The following CADM1 variants were observed in gnomAD, a reference collection of about 807,000 sequenced individuals.
CADM1 encodes the protein cell adhesion molecule 1.
A neutral mutation model predicts 53.1 loss-of-function variants in CADM1; 15 were observed. That is an observed-to-expected ratio of 0.28 (90% CI 0.19 to 0.44). The LOEUF is 0.44. Among genes scored for constraint, CADM1 ranks in the 20% least tolerant of loss-of-function variants. The pLI is 1.00. For synonymous variants in CADM1, 281 were observed against 243.0 expected (o/e 1.16, Z -1.45); for missense variants, 434 against 611.3 (o/e 0.71, Z 3.06).
At chr11:115,267,694 T>C (rs866060822) in intron 1 of CADM1, among the ~76,000 whole-genome samples, 1 of 135,388 alleles carries the variant, frequency 7.4e-6, no homozygotes, top group Non-Finnish European at 1.5e-5. Context: ...TTTTTTTTTT[T>C]TTTTCTAAAA....
At chr11:115,220,726 GGGT>G (rs1941374155) in intron 5 of CADM1, among the ~76,000 whole-genome samples, 1 of 152,124 alleles carries the variant, frequency 6.6e-6, no homozygotes, top group Non-Finnish European at 1.5e-5. Context: ...ATCTATCCCT[GGGT>G]GATGGAAACT....
intron 8 of CADM1, among the ~76,000 whole-genome samples, chr11:115,204,090 G>A (rs4938188): frequency 1 from 151,922 of 152,342 alleles, 75,752 homozygotes; most frequent in East Asian, 1. Context: ...CAACTCTAGA[G>A]AAAAAGGCAA....
intron 1 of CADM1, among the ~76,000 whole-genome samples, chr11:115,425,125 G>A (rs7107670): frequency 3.9e-5 from 6 of 152,110 alleles, no homozygotes; most frequent in Admixed American, 1.3e-4. Flanking sequence ...TAGATGAAAC[G>A]ATAAATGGCT....
At chr11:115,492,843 T>TCA (rs1271061124) in intron 1 of CADM1, among the ~76,000 whole-genome samples, 1 of 151,890 alleles carries the variant, frequency 6.6e-6, no homozygotes, top group African/African-American at 2.4e-5. Context: ...TAAAATACAC[T>TCA]CACACAGTTG....
chr11:115,442,161 A>G (rs925925954), intron 1 of CADM1, among the ~76,000 whole-genome samples: 4 of 151,946 alleles, frequency 2.6e-5, no homozygotes, highest in African/African-American at 4.8e-5. Context: ...ATGTCACACT[A>G]GATGGATGGT....
rs182673326 is a variant in CADM1, at chr11:115,349,838, T to C, written c.125-109418A>G. ...AGAGGGATTAATGACTCATATTTTG[T>C]TCAGAGTATACATGTCTATGGAACT... On this transcript the variant is annotated intron_variant, in intron 1 of 11. Transcript: ENST00000331581. Among the ~76,000 whole-genome samples the C allele has an allele frequency of 1.1e-4, 17 of 152,332 alleles. No homozygotes were observed. The East Asian group carries it at 3.1e-3, about 28-fold the overall frequency.
At chr11:115,399,611 A>G (rs1947085942) in intron 1 of CADM1, 1 of 152,236 alleles carries the variant, frequency 6.6e-6, no homozygotes, top group South Asian at 2.1e-4. Context: ...CTTTAATTTT[A>G]TAGTCAATGT....
At chr11:115,211,842 T>C (rs180696313) in intron 7 of CADM1, among the ~76,000 whole-genome samples, 1 of 152,226 alleles carries the variant, frequency 6.6e-6, no homozygotes, top group East Asian at 1.9e-4. Context: ...GTGTGTGATG[T>C]CCACAATACA....
chr11:115,480,801 G>T (rs1391347377), intron 1 of CADM1, among the ~76,000 whole-genome samples: 1 of 151,976 alleles, frequency 6.6e-6, no homozygotes, highest in Non-Finnish European at 1.5e-5. Context: ...TCCCAAGAAG[G>T]TTCTCCCTCC....
chr11:115,218,041 G>A, intron 5 of CADM1, 50 bp from the exon 6 acceptor site: 1 of 1,356,376 alleles, frequency 7.4e-7, no homozygotes, highest in Non-Finnish European at 1.1e-6. Context: ...ATATCATCAG[G>A]CAAAATCAGA....
At chr11:115,429,932 A>G (rs1015141489) in intron 1 of CADM1, among the ~76,000 whole-genome samples, 2 of 152,176 alleles carry the variant, frequency 1.3e-5, no homozygotes, top group Admixed American at 6.5e-5. Flanking sequence ...AGTGTTACAA[A>G]TAAGATGAGG....
At chr11:115,259,337 G>A (rs1406553943) in intron 1 of CADM1, among the ~76,000 whole-genome samples, 7 of 103,574 alleles carry the variant, frequency 6.8e-5, no homozygotes, top group Non-Finnish European at 1.2e-4. Context: ...ACAGAGTCTT[G>A]CTTGGTTGCC....
intron 1 of CADM1, among the ~76,000 whole-genome samples, chr11:115,248,094 C>CTAA (rs1235564627): frequency 3.3e-5 from 5 of 152,338 alleles, no homozygotes; most frequent in African/African-American, 7.2e-5. Context: ...ACTTCAAAGA[C>CTAA]TAATATGCAT....
rs976217232 is a variant in CADM1 at position 115,174,396 on chromosome 11, A to G, written c.*2078T>C. ...TTATACTATGGTCGGAATGGGTGCTAAGGGCTCGGAATAGAGCTGCAGATT... is the reference window on the plus strand; with the variant it reads ...TTATACTATGGTCGGAATGGGTGCTGAGGGCTCGGAATAGAGCTGCAGATT... On this transcript the variant is annotated 3_prime_UTR_variant, in exon 12 of 12. Coordinates refer to ENST00000331581, the MANE Select transcript of CADM1 (RefSeq NM_001301043.2). 36 of 985,712 alleles carry G rather than the reference A, an allele frequency of 3.7e-5. No homozygotes were observed. In the African/African-American group the frequency reaches 5.6e-4, roughly 15 times the overall value. The allele number at this position is 985,712 out of a possible 1,614,324, so 61.1% of individuals were successfully genotyped here.
chr11:115,413,176 C>T (rs889890675), intron 1 of CADM1, among the ~76,000 whole-genome samples: 2 of 152,166 alleles, frequency 1.3e-5, no homozygotes, highest in Non-Finnish European at 2.9e-5. Flanking sequence ...ATTTAATACA[C>T]TTAAATGGTT....
intron 1 of CADM1, among the ~76,000 whole-genome samples, chr11:115,354,594 C>T (rs933908443): frequency 6.6e-6 from 1 of 152,182 alleles, no homozygotes; most frequent in African/African-American, 2.4e-5. Context: ...CAATAGGACA[C>T]AGTCCTTTCT....
chr11:115,432,576 A>C (rs1948083971), intron 1 of CADM1, among the ~76,000 whole-genome samples: 1 of 152,202 alleles, frequency 6.6e-6, no homozygotes, highest in South Asian at 2.1e-4. Context: ...AGAATTTTTT[A>C]AAATATAAAA....
intron 1 of CADM1, among the ~76,000 whole-genome samples, chr11:115,322,854 C>A (rs558258241): frequency 1.3e-5 from 2 of 152,120 alleles, no homozygotes; most frequent in East Asian, 1.9e-4. Context: ...TGAATCATCC[C>A]TGCTTAATAA....
chr11:115,401,041 G>A (rs1016717159), intron 1 of CADM1, among the ~76,000 whole-genome samples: 44 of 152,046 alleles, frequency 2.9e-4, no homozygotes, highest in Non-Finnish European at 8.8e-5. Context: ...AAACCCGCAC[G>A]CAGATGTTTA....
Sources: gnomAD v4.1 joint callset for allele counts (sites outside exome capture counted in the v4.1 genomes callset) on GRCh38, gnomAD v4.1.1 for gene constraint, MANE v1.5 for transcripts, NCBI Gene and HGNC (gene_info 2026-07-23, HGNC 2026-07-21) for gene names.